The following ANK1 variants were observed in gnomAD, a reference collection of about 807,000 sequenced individuals.
ANK1 encodes the protein ankyrin-1.
Under a neutral mutation model 210.4 loss-of-function variants are expected in ANK1, and 51 were observed. That is an observed-to-expected ratio of 0.24 (90% CI 0.19 to 0.31). The LOEUF (loss-of-function observed/expected upper bound fraction) is 0.31. Among genes scored for constraint, ANK1 ranks in the 10% least tolerant of loss-of-function variants. The probability of loss-of-function intolerance (pLI) is 1.00; values close to 1 mark genes in which losing one functional copy is unlikely to be tolerated. For synonymous variants in ANK1, 967 were observed against 1,025.9 expected (o/e 0.94, Z 1.10); for missense variants, 2,051 against 2,504.4 (o/e 0.82, Z 3.86).
chr8:41,882,271 G>A (rs915639599), intron 1 of ANK1, among the ~76,000 whole-genome samples: 4 of 152,040 alleles, frequency 2.6e-5, no homozygotes, highest in Admixed American at 6.5e-5. Flanking sequence ...CCATCCACAC[G>A]GTGCAGGCCC....
intron 34 of ANK1, 68 bp downstream of exon 34, chr8:41,688,443 G>C: frequency 2.6e-6 from 4 of 1,563,926 alleles, no homozygotes; most frequent in Non-Finnish European, 3.5e-6. Context: ...CAGGGCTGCG[G>C]GGAGATGAGC....
intron 11 of ANK1, 124 bp downstream of exon 11, chr8:41,717,982 C>T: frequency 3.2e-6 from 3 of 932,648 alleles, no homozygotes; most frequent in South Asian, 1.4e-5. Flanking sequence ...TTCCTTCCAG[C>T]AGTCCAGACT....
intron 1 of ANK1, among the ~76,000 whole-genome samples, chr8:41,856,860 T>C (rs1326451461): frequency 1.3e-5 from 2 of 150,180 alleles, no homozygotes; most frequent in East Asian, 3.9e-4. Flanking sequence ...TTCGCCTTGG[T>C]GCTTAACAGC....
chr8:41,664,532 CAAAG>C (rs1476902265), intron 39 of ANK1, among the ~76,000 whole-genome samples: 1 of 152,126 alleles, frequency 6.6e-6, no homozygotes, highest in Admixed American at 6.5e-5. Context: ...AAGAAAGAAA[CAAAG>C]AAAGAAACAG....
intron 12 of ANK1, among the ~76,000 whole-genome samples, 188 bp from the exon 13 acceptor site, chr8:41,717,239 G>A (rs565094682): frequency 2.0e-5 from 3 of 152,334 alleles, no homozygotes; most frequent in Non-Finnish European, 4.4e-5. Context: ...GTGTATGTGT[G>A]TGTGTGCACA....
Position 41,695,342 on chromosome 8 carries a change from GAC to G in ANK1, c.2961-13_2961-12del. ...TCCACGATTACAGGGCTGAGGCAAGGACACAGTGGTGGTGGGGAGGTGCTCAT... is the reference window on the plus strand; with the variant it reads ...TCCACGATTACAGGGCTGAGGCAAGGACAGTGGTGGTGGGGAGGTGCTCAT... On this transcript the variant is annotated splice_polypyrimidine_tract_variant and intron_variant, in intron 26 of 42. Coordinates refer to ENST00000289734, the MANE Select transcript of ANK1 (RefSeq NM_000037.4). 4 of 1,613,850 alleles carry G rather than the reference GAC, an allele frequency of 2.5e-6. No individual in the cohort carries two copies. Among genetic ancestry groups the G allele is most frequent in the Non-Finnish European group, 3.4e-6 (4 of 1,180,014 alleles).
chr8:41,844,903 G>A (rs988926005), intron 1 of ANK1, among the ~76,000 whole-genome samples: 8 of 152,140 alleles, frequency 5.3e-5, no homozygotes, highest in African/African-American at 1.7e-4. Flanking sequence ...GCAGGAGCCC[G>A]CCTCCTGTCC....
At chr8:41,768,291 A>G (rs1032298923) in intron 1 of ANK1, among the ~76,000 whole-genome samples, 14 of 152,310 alleles carry the variant, frequency 9.2e-5, no homozygotes, top group African/African-American at 3.4e-4. Context: ...TGTTCAGATC[A>G]TAGGTGTTTT....
intron 2 of ANK1, among the ~76,000 whole-genome samples, chr8:41,755,476 C>G (rs1399765339): frequency 1.3e-5 from 2 of 152,230 alleles, no homozygotes; most frequent in Non-Finnish European, 2.9e-5. Context: ...CCGCTGAGAA[C>G]TGCACTGCGG....
At chr8:41,665,776 T>G (rs929846952) in intron 39 of ANK1, 2 of 162,916 alleles carry the variant, frequency 1.2e-5, no homozygotes, top group African/African-American at 4.8e-5. Context: ...CTGTAATTCC[T>G]GTCAGCCCAC....
intron 24 of ANK1, 193 bp downstream of exon 24, chr8:41,697,850 C>T (rs1821524809): frequency 4.5e-6 from 3 of 671,900 alleles, no homozygotes; most frequent in African/African-American, 3.5e-5. Context: ...CCATCTCTTC[C>T]AGACGCCGCC....
chr8:41,888,645 A>C (rs143401615), intron 1 of ANK1, among the ~76,000 whole-genome samples: 3 of 152,380 alleles, frequency 2.0e-5, no homozygotes, highest in Admixed American at 6.5e-5. Context: ...TCTGCACATT[A>C]TGAAGTGATT....
chr8:41,689,949 A>G (rs1818803204), intron 33 of ANK1, among the ~76,000 whole-genome samples: 1 of 152,218 alleles, frequency 6.6e-6, no homozygotes, highest in African/African-American at 2.4e-5. Flanking sequence ...CAGGGTCCAC[A>G]GCGTGAATGT....
At chr8:41,680,565 CAAAA>C (rs3063741) in intron 37 of ANK1, among the ~76,000 whole-genome samples, 3 of 123,562 alleles carry the variant, frequency 2.4e-5, no homozygotes, top group Non-Finnish European at 3.4e-5. Context: ...AACTCTATCT[CAAAA>C]AAAAAAAAAA....
intron 1 of ANK1, among the ~76,000 whole-genome samples, chr8:41,806,811 A>G (rs543254026): frequency 6.6e-6 from 1 of 152,350 alleles, no homozygotes; most frequent in Admixed American, 6.5e-5. Context: ...ATGGTTTTCC[A>G]TGACGATTGT....
At chr8:41,668,620 G>A in intron 38 of ANK1, 56 bp from the exon 39 acceptor site, 1 of 1,546,590 alleles carries the variant, frequency 6.5e-7, no homozygotes, top group Non-Finnish European at 8.8e-7. Context: ...AAGACACCTG[G>A]TCACCCATCA....
Position 41,660,782 on chromosome 8 carries a change from C to T in ANK1, c.*36+648G>A, listed in dbSNP as rs184228719. Among the ~76,000 whole-genome samples, 5 of 152,292 alleles carry T rather than the reference C, an allele frequency of 3.3e-5. No individual in the cohort carries two copies. In the East Asian group the frequency reaches 7.7e-4, roughly 24 times the overall value. ...CCTTTCCTAGAAAGCAAGGGAGCAA[C>T]GTGTTTCACAAAACACCAAAGAGAA... On this transcript the variant is annotated intron_variant, in intron 42 of 42. Coordinates refer to ENST00000289734, the MANE Select transcript of ANK1 (RefSeq NM_000037.4).
At chr8:41,886,228 A>G (rs1818419297) in intron 1 of ANK1, among the ~76,000 whole-genome samples, 1 of 152,200 alleles carries the variant, frequency 6.6e-6, no homozygotes, top group Non-Finnish European at 1.5e-5. Context: ...GGGCAGCCCC[A>G]AGGTGGATAT....
intron 2 of ANK1, among the ~76,000 whole-genome samples, chr8:41,755,627 G>T (rs57300031): frequency 2.6e-5 from 4 of 152,166 alleles, no homozygotes; most frequent in African/African-American, 9.7e-5. Flanking sequence ...CAACACAGCT[G>T]CAGCCTGTGC....
Sources: allele counts gnomAD v4.1 joint callset (sites outside exome capture counted in the v4.1 genomes callset), GRCh38; gene constraint gnomAD v4.1.1; transcripts MANE v1.5; gene names NCBI Gene and HGNC (gene_info 2026-07-23, HGNC 2026-07-21).